MDGA2: variants seen among roughly 807,000 people sequenced by gnomAD.
The protein encoded by MDGA2 is MAM domain containing glycosylphosphatidylinositol anchor 2.
MDGA2 carries 40 observed loss-of-function variants against 117.8 expected under a neutral mutation model. The observed-to-expected ratio is 0.34, with a 90% CI of 0.26 to 0.44. The LOEUF is 0.44. Ranked by LOEUF, MDGA2 falls within the 20% of genes least tolerant of loss-of-function variation. The pLI, the probability that MDGA2 is intolerant of heterozygous loss-of-function variation, is 1.00. For synonymous variants in MDGA2, 452 were observed against 439.0 expected (o/e 1.03, Z -0.37); for missense variants, 1,123 against 1,250.6 (o/e 0.90, Z 1.54).
intron 2 of MDGA2, among the ~76,000 whole-genome samples, chr14:47,238,703 T>C (rs1453574050): frequency 6.6e-6 from 1 of 151,686 alleles, no homozygotes; most frequent in Non-Finnish European, 1.5e-5. Context: ...GAAAAGACTT[T>C]AAAGCTTAGC....
At chr14:47,509,428 C>T (rs1213197343) in intron 1 of MDGA2, among the ~76,000 whole-genome samples, 2 of 152,072 alleles carry the variant, frequency 1.3e-5, no homozygotes, top group East Asian at 1.9e-4. Context: ...GTGGGGAGCT[C>T]TTTTATTTGA....
intron 8 of MDGA2, among the ~76,000 whole-genome samples, chr14:47,030,911 T>A (rs1430237817): frequency 6.6e-6 from 1 of 152,156 alleles, no homozygotes; most frequent in Non-Finnish European, 1.5e-5. Flanking sequence ...AAAAGCCTTT[T>A]GTTTTCTAAA....
chr14:46,867,309 G>A (rs988782428), intron 14 of MDGA2, among the ~76,000 whole-genome samples: 2 of 151,826 alleles, frequency 1.3e-5, no homozygotes, highest in African/African-American at 4.8e-5. Flanking sequence ...ACCAAACACC[G>A]CATATTCTCA....
intron 1 of MDGA2, among the ~76,000 whole-genome samples, chr14:47,345,408 G>A (rs1890743159): frequency 6.6e-6 from 1 of 152,100 alleles, no homozygotes; most frequent in African/African-American, 2.4e-5. Flanking sequence ...TATTCTTTAT[G>A]CAAATAAATA....
chr14:47,174,311 G>T (rs370020889), intron 3 of MDGA2, among the ~76,000 whole-genome samples: 1 of 151,892 alleles, frequency 6.6e-6, no homozygotes, highest in Non-Finnish European at 1.5e-5. Flanking sequence ...ATAGACATCT[G>T]CAGAACTCTC....
chr14:47,495,774 A>C (rs4900773), intron 1 of MDGA2, among the ~76,000 whole-genome samples: 63,660 of 151,966 alleles, frequency 0.42, 14,016 homozygotes, highest in East Asian at 0.61. Flanking sequence ...AATAGAAGGA[A>C]AGAAATTATC....
At chr14:46,847,440 T>C (rs2138276687) in intron 15 of MDGA2, among the ~76,000 whole-genome samples, 1 of 152,162 alleles carries the variant, frequency 6.6e-6, no homozygotes, top group South Asian at 2.1e-4. Context: ...GTTAGCAGTT[T>C]AGCAAATTCT....
At chr14:47,578,791 T>C (rs1480055195) in intron 1 of MDGA2, among the ~76,000 whole-genome samples, 1 of 152,152 alleles carries the variant, frequency 6.6e-6, no homozygotes, top group African/African-American at 2.4e-5. Flanking sequence ...ACTATCATTG[T>C]TAGAGGCTAC....
intron 1 of MDGA2, among the ~76,000 whole-genome samples, chr14:47,620,551 G>C (rs1226748138): frequency 3.3e-5 from 5 of 152,160 alleles, no homozygotes; most frequent in Non-Finnish European, 7.3e-5. Flanking sequence ...GAGAGGGCAG[G>C]ATAACCTAAT....
intron 1 of MDGA2, among the ~76,000 whole-genome samples, chr14:47,630,482 A>G (rs1173555545): frequency 2.0e-5 from 3 of 152,196 alleles, no homozygotes; most frequent in Non-Finnish European, 4.4e-5. Flanking sequence ...GATGATCCAA[A>G]CACTTTGGTT....
At chr14:47,429,145 A>G (rs901700740) in intron 1 of MDGA2, among the ~76,000 whole-genome samples, 4 of 151,766 alleles carry the variant, frequency 2.6e-5, no homozygotes, top group Non-Finnish European at 5.9e-5. Context: ...GAATCACTTG[A>G]ACCTAGGGGG....
At chr14:46,934,340 C>G (rs1884700780) in intron 9 of MDGA2, among the ~76,000 whole-genome samples, 1 of 151,914 alleles carries the variant, frequency 6.6e-6, no homozygotes, top group Admixed American at 6.6e-5. Flanking sequence ...CAAGAAAAAC[C>G]TTGATAAATG....
At chr14:46,987,939 C>T (rs1055305011) in intron 8 of MDGA2, among the ~76,000 whole-genome samples, 2 of 149,296 alleles carry the variant, frequency 1.3e-5, no homozygotes, top group African/African-American at 2.5e-5. Context: ...GGGGGGGGTG[C>T]GCGCGTGTGT....
chr14:47,602,624 T>C (rs1896668795), intron 1 of MDGA2, among the ~76,000 whole-genome samples: 1 of 152,188 alleles, frequency 6.6e-6, no homozygotes, highest in Admixed American at 6.5e-5. Flanking sequence ...GAATTTCTTT[T>C]TGCCCCCTTG....
chr14:47,123,999 A>T (rs1458397545), intron 5 of MDGA2, among the ~76,000 whole-genome samples: 1 of 152,120 alleles, frequency 6.6e-6, no homozygotes. Context: ...GGAACATCTT[A>T]TTCTCTATAT....
intron 1 of MDGA2, among the ~76,000 whole-genome samples, chr14:47,334,829 T>C (rs970878266): frequency 6.6e-6 from 1 of 151,848 alleles, no homozygotes. Context: ...GGTGGAAGGA[T>C]CCCTGAGGTG....
At chr14:47,493,463 C>T (rs1427869471) in intron 1 of MDGA2, among the ~76,000 whole-genome samples, 1 of 151,768 alleles carries the variant, frequency 6.6e-6, no homozygotes, top group East Asian at 1.9e-4. Context: ...TACAGGTGCG[C>T]ACCACTACTG....
chr14:47,102,188 G>C (rs1181155591), intron 5 of MDGA2, among the ~76,000 whole-genome samples: 1 of 151,932 alleles, frequency 6.6e-6, no homozygotes, highest in Non-Finnish European at 1.5e-5. Flanking sequence ...AAGGAACCCA[G>C]CTTTCCATCC....
chr14:47,655,109 G>T (rs1897719539), intron 1 of MDGA2, among the ~76,000 whole-genome samples: 1 of 152,066 alleles, frequency 6.6e-6, no homozygotes, highest in South Asian at 2.1e-4. Flanking sequence ...CACCACTCTT[G>T]TTGATAAACA....
Sources: allele counts gnomAD v4.1 joint callset (sites outside exome capture counted in the v4.1 genomes callset), GRCh38; gene constraint gnomAD v4.1.1; transcripts MANE v1.5; gene names NCBI Gene and HGNC (gene_info 2026-07-23, HGNC 2026-07-21).